The following CCDC141 variants were observed in gnomAD, a reference collection of about 807,000 sequenced individuals.
CCDC141 encodes the protein coiled-coil domain containing 141, also known as coiled-coil domain-containing protein 141.
CCDC141 carries 168 observed loss-of-function variants against 181.0 expected under a neutral mutation model. The ratio of observed to expected loss-of-function variants is 0.93; its 90% CI spans 0.82 to 1.05. CCDC141 has a LOEUF of 1.05. Among genes scored for constraint, CCDC141 ranks in the 50% least tolerant of loss-of-function variants. CCDC141 has a pLI of 0.00. For synonymous variants in CCDC141, 666 were observed against 642.3 expected (o/e 1.04, Z -0.56); for missense variants, 1,902 against 1,788.5 (o/e 1.06, Z -1.14).
intron 2 of CCDC141, among the ~76,000 whole-genome samples, chr2:179,032,477 C>T (rs969445839): frequency 6.6e-6 from 1 of 152,172 alleles, no homozygotes; most frequent in Non-Finnish European, 1.5e-5. Context: ...CCTCTGCTCA[C>T]AACTAAAAGA....
chr2:178,993,856 C>T (rs897599033), intron 2 of CCDC141, among the ~76,000 whole-genome samples: 2 of 152,184 alleles, frequency 1.3e-5, no homozygotes, highest in Non-Finnish European at 2.9e-5. Flanking sequence ...GGGCTACAGG[C>T]CCCATGAAAG....
chr2:178,820,622 T>C, the CCDC141 span, among the ~76,000 whole-genome samples: 1 of 152,202 alleles, frequency 6.6e-6, no homozygotes, highest in African/African-American at 2.4e-5. Context: ...TCCCTGAGAA[T>C]GAGATCTAAA....
At chr2:178,817,649 A>G in the CCDC141 span, 1 of 444,088 alleles carries the variant, frequency 2.3e-6, no homozygotes, top group Non-Finnish European at 4.6e-6. Context: ...CAGGTCTAAC[A>G]CTTTCTAGGA....
intron 2 of CCDC141, among the ~76,000 whole-genome samples, chr2:179,015,497 C>CACATATATCT (rs2042471028): frequency 4.5e-4 from 18 of 40,076 alleles, no homozygotes; most frequent in East Asian, 9.3e-4. Flanking sequence ...CATATATGTG[C>CACATATATCT]CATATATATC....
At chr2:178,821,544 G>C in the CCDC141 span, among the ~76,000 whole-genome samples, 1 of 152,138 alleles carries the variant, frequency 6.6e-6, no homozygotes, top group Non-Finnish European at 1.5e-5. Flanking sequence ...GGTCTATTTT[G>C]CACCATAATT....
intron 8 of CCDC141, among the ~76,000 whole-genome samples, chr2:178,904,332 C>G (rs754298686): frequency 4.6e-5 from 7 of 152,292 alleles, no homozygotes; most frequent in Non-Finnish European, 8.8e-5. Flanking sequence ...TTGTAGCAAA[C>G]ATCACAAACC....
At chr2:178,870,868 G>A (rs1185176678) in intron 14 of CCDC141, among the ~76,000 whole-genome samples, 2 of 152,172 alleles carry the variant, frequency 1.3e-5, no homozygotes, top group Non-Finnish European at 2.9e-5. Context: ...CAGGAGGTGG[G>A]GAAATAGGGA....
At chr2:178,871,989 G>A (rs1686137987) in intron 13 of CCDC141, 144 bp downstream of exon 13, 2 of 791,946 alleles carry the variant, frequency 2.5e-6, no homozygotes, top group Admixed American at 3.1e-5. Context: ...TTTGACTACA[G>A]GGACCTCATT....
intron 4 of CCDC141, 50 bp from the exon 5 acceptor site, chr2:178,961,533 A>T: frequency 7.4e-7 from 1 of 1,348,234 alleles, no homozygotes; most frequent in Non-Finnish European, 1.0e-6. Flanking sequence ...GCAAGCTTTT[A>T]TACAGCAATA....
At chr2:178,971,326 G>C (rs913315270) in intron 4 of CCDC141, among the ~76,000 whole-genome samples, 1 of 152,096 alleles carries the variant, frequency 6.6e-6, no homozygotes, top group Non-Finnish European at 1.5e-5. Flanking sequence ...AAAAATGCTC[G>C]TCATCACTGG....
intron 2 of CCDC141, among the ~76,000 whole-genome samples, chr2:178,981,634 G>A (rs1447466035): frequency 1.7e-4 from 2 of 12,086 alleles, no homozygotes; most frequent in East Asian, 8.6e-3. Flanking sequence ...ATGTGTGTGT[G>A]TGTATATATA....
intron 2 of CCDC141, among the ~76,000 whole-genome samples, chr2:178,981,701 GAAAA>G (rs140971165): frequency 0.28 from 31,701 of 112,344 alleles, 4,869 homozygotes; most frequent in Non-Finnish European, 0.35. Context: ...GAGAGAGAGA[GAAAA>G]AAAAACCTAA....
At chr2:179,035,662 C>T (rs1407378592) in intron 2 of CCDC141, among the ~76,000 whole-genome samples, 2 of 152,130 alleles carry the variant, frequency 1.3e-5, no homozygotes, top group Admixed American at 6.5e-5. Flanking sequence ...ACCTGGGAGC[C>T]TCAGTTCTCC....
At chr2:178,816,330 A>T in the CCDC141 span, among the ~76,000 whole-genome samples, 1 of 152,192 alleles carries the variant, frequency 6.6e-6, no homozygotes, top group Admixed American at 6.6e-5. Context: ...TCTTTCACTT[A>T]GCAATATGCA....
chr2:178,943,246 A>G (rs1689592888), intron 6 of CCDC141, among the ~76,000 whole-genome samples: 1 of 152,182 alleles, frequency 6.6e-6, no homozygotes, highest in Non-Finnish European at 1.5e-5. Flanking sequence ...AAAAAAGTTA[A>G]CCTCCTAAAC....
intron 8 of CCDC141, among the ~76,000 whole-genome samples, chr2:178,894,307 G>C (rs1396858450): frequency 6.6e-6 from 1 of 151,838 alleles, no homozygotes; most frequent in Non-Finnish European, 1.5e-5. Flanking sequence ...AGAGCAAAGA[G>C]AGAAGCAAGC....
At chr2:178,996,368 G>T (rs111462755) in intron 2 of CCDC141, among the ~76,000 whole-genome samples, 1 of 152,074 alleles carries the variant, frequency 6.6e-6, no homozygotes, top group African/African-American at 2.4e-5. Context: ...GTGAGCCACC[G>T]CACCTGGCCA....
intron 5 of CCDC141, among the ~76,000 whole-genome samples, chr2:178,949,295 C>T (rs1689855087): frequency 6.6e-6 from 1 of 152,152 alleles, no homozygotes; most frequent in South Asian, 2.1e-4. Flanking sequence ...GTATTAGGTA[C>T]GAATTTAGGC....
chr2:179,009,639 G>C (rs1435778102), intron 2 of CCDC141, among the ~76,000 whole-genome samples: 1 of 132,432 alleles, frequency 7.6e-6, no homozygotes, highest in Non-Finnish European at 1.6e-5. Context: ...CTCAACCTTA[G>C]ATACCAGCAC....
Sources: allele counts gnomAD v4.1 joint callset (sites outside exome capture counted in the v4.1 genomes callset), GRCh38; gene constraint gnomAD v4.1.1; transcripts MANE v1.5; gene names NCBI Gene and HGNC (gene_info 2026-07-23, HGNC 2026-07-21).